STRBP: variants seen among roughly 807,000 people sequenced by gnomAD.
The protein encoded by STRBP is spermatid perinuclear RNA binding protein.
In STRBP, 13 loss-of-function variants were observed where a neutral mutation model predicts 80.1. The observed-to-expected ratio is 0.16, with a 90% CI of 0.11 to 0.26. The LOEUF (loss-of-function observed/expected upper bound fraction) is 0.26, where lower values mean the gene tolerates loss of function less well. Among genes scored for constraint, STRBP ranks in the 10% least tolerant of loss-of-function variants. STRBP has a pLI of 1.00. For synonymous variants in STRBP, 284 were observed against 291.2 expected (o/e 0.98, Z 0.25); for missense variants, 485 against 815.2 (o/e 0.59, Z 4.93).
intron 2 of STRBP, among the ~76,000 whole-genome samples, chr9:123,206,467 T>C (rs1446281758): frequency 1.3e-5 from 2 of 152,130 alleles, no homozygotes; most frequent in South Asian, 2.1e-4. Flanking sequence ...TGTGGATATC[T>C]GGGATTTTAA....
intron 2 of STRBP, among the ~76,000 whole-genome samples, chr9:123,194,797 C>A (rs1171452351): frequency 6.6e-6 from 1 of 152,114 alleles, no homozygotes; most frequent in Non-Finnish European, 1.5e-5. Flanking sequence ...ACACTTTACT[C>A]CCCTTGGCTT....
chr9:123,240,799 T>C (rs533564180), intron 1 of STRBP, among the ~76,000 whole-genome samples: 94 of 152,328 alleles, frequency 6.2e-4, no homozygotes, highest in South Asian at 3.1e-3. Context: ...AATGTCTATA[T>C]ACAAATCACC....
rs567384207 is a variant in STRBP, at chr9:123,125,347, G to A, written c.*250C>T. 1.7e-6 allele frequency: 2 copies of A among 1,174,564 alleles called. No individual in the cohort carries two copies. The highest frequency in any genetic ancestry group is 3.5e-4 in the Middle Eastern group (1 of 2,826). 72.8% of individuals were successfully genotyped at this position (1,174,564 alleles called of 1,614,324 possible). A position where few individuals can be genotyped will look rare whatever the true frequency, so the allele number is the denominator to read the frequency against. ...GAACTGCTAGACTTTTATTTCCCTA[G>A]AACAGAAGGGCTGGTATAAGTTATT... On this transcript the variant is annotated 3_prime_UTR_variant, in exon 19 of 19. Coordinates refer to ENST00000348403, the MANE Select transcript of STRBP (RefSeq NM_018387.5).
intron 2 of STRBP, among the ~76,000 whole-genome samples, chr9:123,187,776 C>A (rs2038759342): frequency 6.9e-6 from 1 of 143,966 alleles, no homozygotes; most frequent in Non-Finnish European, 1.5e-5. Context: ...CACCACCCAC[C>A]ACCCACCACA....
intron 1 of STRBP, among the ~76,000 whole-genome samples, chr9:123,241,831 C>G (rs575803337): frequency 5.0e-4 from 76 of 152,286 alleles, no homozygotes; most frequent in African/African-American, 1.8e-3. Flanking sequence ...CTCCCTTAAT[C>G]GAAACATTCC....
chr9:123,223,001 T>G (rs1288083976), intron 2 of STRBP, among the ~76,000 whole-genome samples: 1 of 150,868 alleles, frequency 6.6e-6, no homozygotes, highest in East Asian at 1.9e-4. Flanking sequence ...TTAATGGAGT[T>G]CACCATCAAA....
intron 2 of STRBP, among the ~76,000 whole-genome samples, chr9:123,203,836 G>A (rs1012310950): frequency 6.6e-6 from 1 of 152,138 alleles, no homozygotes; most frequent in Non-Finnish European, 1.5e-5. Flanking sequence ...GCCGGGCATG[G>A]TGGCAGGCGC....
chr9:123,137,202 G>C (rs1360533540), intron 14 of STRBP, among the ~76,000 whole-genome samples: 2 of 152,158 alleles, frequency 1.3e-5, no homozygotes, highest in Non-Finnish European at 2.9e-5. Context: ...ATTCATGCAA[G>C]AGCATGAAGG....
In STRBP at chr9:123,205,044, T is replaced by A. The variant is rs192902944; in HGVS notation, c.-164-20746A>T. ...ACTTTGGGAGGCCGAAGTGGGCAGA[T>A]CACCCGAGGTCAGGAGTTCAAGACC... On this transcript the variant is annotated intron_variant, in intron 2 of 18. Coordinates refer to ENST00000348403, the MANE Select transcript of STRBP (RefSeq NM_018387.5). 2.6e-4 allele frequency among the ~76,000 whole-genome samples: 39 copies of A among 151,018 alleles called. No homozygotes were observed. In the East Asian group the frequency reaches 7.0e-3, roughly 27 times the overall value.
chr9:123,197,808 G>C (rs2039157150), intron 2 of STRBP, among the ~76,000 whole-genome samples: 1 of 149,518 alleles, frequency 6.7e-6, no homozygotes, highest in Admixed American at 6.7e-5. Context: ...CCGAGTAGCT[G>C]GGATTACAGG....
chr9:123,235,618 T>G lies in STRBP; in HGVS notation c.-165+1212A>C, dbSNP rs1425052976. 6.2e-4 allele frequency among the ~76,000 whole-genome samples: 68 copies of G among 109,576 alleles called. 1 individual carries two copies. The East Asian group carries it at 0.018, about 29-fold the overall frequency. The allele number at this position is 109,576 out of a possible 152,430, so 71.9% of individuals were successfully genotyped here. On this transcript the variant is annotated intron_variant, in intron 2 of 18. Coordinates refer to ENST00000348403, the MANE Select transcript of STRBP (RefSeq NM_018387.5). ...AAAAAAAAAAAAAAAAAAAAAAAAG[T>G]TATCCCAGAGAGCTATTGGTTGGTC...
At chr9:123,265,865 TC>T (rs969686033) in intron 1 of STRBP, among the ~76,000 whole-genome samples, 1 of 152,178 alleles carries the variant, frequency 6.6e-6, no homozygotes, top group African/African-American at 2.4e-5. Context: ...ACAATCCAGA[TC>T]AGTTATTCAC....
At chr9:123,207,491 CT>C (rs34354505) in intron 2 of STRBP, among the ~76,000 whole-genome samples, 1 of 152,040 alleles carries the variant, frequency 6.6e-6, no homozygotes, top group Non-Finnish European at 1.5e-5. Context: ...TACAGACATA[CT>C]TTTTTAGTAT....
At chr9:123,224,771 G>A (rs574460842) in intron 2 of STRBP, among the ~76,000 whole-genome samples, 97 of 152,188 alleles carry the variant, frequency 6.4e-4, no homozygotes, top group African/African-American at 2.3e-3. Context: ...TGGTAGTAGT[G>A]GAAAGTGAAA....
chr9:123,216,705 C>A (rs1356587909), intron 2 of STRBP, among the ~76,000 whole-genome samples: 3 of 152,330 alleles, frequency 2.0e-5, no homozygotes, highest in African/African-American at 7.2e-5. Flanking sequence ...GCTACGATAT[C>A]ATGTACAATT....
intron 2 of STRBP, among the ~76,000 whole-genome samples, chr9:123,184,687 G>C (rs1477924345): frequency 6.6e-6 from 1 of 152,174 alleles, no homozygotes; most frequent in Non-Finnish European, 1.5e-5. Context: ...ATTCAGTAAA[G>C]ACACCTGAAA....
intron 3 of STRBP, chr9:123,112,675 C>T (rs1456176989): frequency 6.0e-6 from 1 of 167,426 alleles, no homozygotes; most frequent in African/African-American, 2.4e-5. Flanking sequence ...GACGTCGGGC[C>T]CGGCCCAGAG....
At chr9:123,194,994 ATACCATC>A (rs1210487459) in intron 2 of STRBP, among the ~76,000 whole-genome samples, 1 of 152,090 alleles carries the variant, frequency 6.6e-6, no homozygotes, top group African/African-American at 2.4e-5. Flanking sequence ...GAGACTTTAA[ATACCATC>A]TATATACTGA....
Position 123,121,972 on chromosome 9 carries a change from C to CA in STRBP, c.*3624dup, listed in dbSNP as rs533703266. 1.3e-3 allele frequency: 233 copies of CA among 178,772 alleles called. 2 individuals are homozygous for CA. Among genetic ancestry groups the CA allele is most frequent in the African/African-American group, 5.1e-3 (211 of 41,242 alleles). 11.1% of individuals were successfully genotyped at this position (178,772 alleles called of 1,614,324 possible). A position where few individuals can be genotyped will look rare whatever the true frequency, so the allele number is the denominator to read the frequency against. ...CTACACACACACACACACACACACA[C>CA]ACTTAGTGTAAGTGAAATGTCTGTC... On this transcript the variant is annotated 3_prime_UTR_variant, in exon 19 of 19. Coordinates refer to ENST00000348403, the MANE Select transcript of STRBP (RefSeq NM_018387.5).
Sources: gnomAD v4.1 joint callset for allele counts (sites outside exome capture counted in the v4.1 genomes callset) on GRCh38, gnomAD v4.1.1 for gene constraint, MANE v1.5 for transcripts, NCBI Gene and HGNC (gene_info 2026-07-23, HGNC 2026-07-21) for gene names.